DLG5: variants seen among roughly 807,000 people sequenced by gnomAD.
DLG5 encodes the protein disks large homolog 5.
DLG5 carries 48 observed loss-of-function variants against 189.8 expected under a neutral mutation model. That is an observed-to-expected ratio of 0.25 (90% confidence interval 0.20 to 0.32). The LOEUF (loss-of-function observed/expected upper bound fraction) is 0.32. DLG5 is among the 10% of genes least tolerant of loss of function. The pLI, the probability that DLG5 is intolerant of heterozygous loss-of-function variation, is 1.00. For synonymous variants in DLG5, 1,016 were observed against 1,054.1 expected (o/e 0.96, Z 0.70); for missense variants, 2,160 against 2,544.7 (o/e 0.85, Z 3.25).
chr10:77,830,130 C>T (rs1842829635), intron 11 of DLG5, 87 bp downstream of exon 11: 4 of 1,557,152 alleles, frequency 2.6e-6, no homozygotes, highest in East Asian at 2.2e-5. Flanking sequence ...GAAACGTTCA[C>T]CTAAGTGCTA....
At chr10:77,835,401 G>A (rs1394427635) in intron 8 of DLG5, among the ~76,000 whole-genome samples, 1 of 152,134 alleles carries the variant, frequency 6.6e-6, no homozygotes, top group African/African-American at 2.4e-5. Context: ...GGCGCCCGGT[G>A]AATACTGCTG....
chr10:77,800,968 T>C lies in DLG5; in HGVS notation c.5165-4374A>G, dbSNP rs1312106391. On this transcript the variant is annotated intron_variant, in intron 27 of 31. Transcript: ENST00000372391. Reference sequence around the variant, plus strand: ...CCCAGCCTGAGGTCAGCTGAGTCTGTGGCTGGATCAAAGTGATCTGCGAGC... The same window carrying C: ...CCCAGCCTGAGGTCAGCTGAGTCTGCGGCTGGATCAAAGTGATCTGCGAGC... Among the ~76,000 whole-genome samples, 5 of 152,174 alleles carry C rather than the reference T, an allele frequency of 3.3e-5. No homozygotes were observed. The East Asian group carries it at 9.6e-4, about 29-fold the overall frequency.
At chr10:77,919,538 GC>G (rs1443464166) in intron 1 of DLG5, among the ~76,000 whole-genome samples, 1 of 142,350 alleles carries the variant, frequency 7.0e-6, no homozygotes, top group African/African-American at 2.6e-5. Flanking sequence ...AAAAGGCTCT[GC>G]CAAGGTCAAG....
At position 77,835,785 on chromosome 10, in the gene DLG5, C is replaced by A; in HGVS notation, c.1575G>T (p.Trp525Cys). 1 of 1,613,864 alleles carries A rather than the reference C, an allele frequency of 6.2e-7. No individual in the cohort carries two copies. Among genetic ancestry groups the A allele is most frequent in the Non-Finnish European group, 8.5e-7 (1 of 1,179,976 alleles). Reference protein sequence around the residue: ...EADVAKCRRDWAFQERDKIVA... With the variant: ...EADVAKCRRDCAFQERDKIVA... ...CAATCTTGTCTCGCTCCTGGAAGGC[C>A]CAGTCCCGCCGGCACTTGGCCACAT... The change falls in exon 8 of 32, where the codon TGG (tryptophan) becomes TGT (cysteine). Residue 525 changes from tryptophan (W) to cysteine (C), a missense_variant. Transcript: ENST00000372391.
intron 1 of DLG5, among the ~76,000 whole-genome samples, chr10:77,891,416 TC>T (rs1391036288): frequency 6.6e-6 from 1 of 152,162 alleles, no homozygotes; most frequent in Admixed American, 6.5e-5. Flanking sequence ...TTGGTTTATC[TC>T]TGCATCTCAC....
At chr10:77,813,314 G>A (rs982185891) in intron 20 of DLG5, among the ~76,000 whole-genome samples, 5 of 152,188 alleles carry the variant, frequency 3.3e-5, no homozygotes, top group African/African-American at 2.4e-5. Context: ...AGATTCTAGC[G>A]GGGAGGCACC....
At chr10:77,921,225 AG>A (rs1387910675) in intron 1 of DLG5, among the ~76,000 whole-genome samples, 6 of 152,146 alleles carry the variant, frequency 3.9e-5, no homozygotes, top group African/African-American at 1.2e-4. Context: ...AAGAACCAAA[AG>A]AAAAACCACA....
At chr10:77,853,226 C>A in intron 5 of DLG5, 128 bp downstream of exon 5, 1 of 864,486 alleles carries the variant, frequency 1.2e-6, no homozygotes, top group South Asian at 4.9e-5. Flanking sequence ...CCTTGGTCTT[C>A]CAAAGCGCTG....
At chr10:77,803,575 G>A (rs1340663748) in intron 27 of DLG5, among the ~76,000 whole-genome samples, 1 of 152,166 alleles carries the variant, frequency 6.6e-6, no homozygotes, top group Non-Finnish European at 1.5e-5. Context: ...AAACATTCCT[G>A]GAGATCAAGA....
intron 5 of DLG5, among the ~76,000 whole-genome samples, chr10:77,847,892 G>A (rs1843772328): frequency 6.6e-6 from 1 of 152,068 alleles, no homozygotes. Flanking sequence ...TTTTTGTAGA[G>A]ATGGGGGTCT....
intron 8 of DLG5, 52 bp downstream of exon 8, chr10:77,835,686 C>T (rs1468424092): frequency 6.5e-7 from 1 of 1,545,478 alleles, no homozygotes; most frequent in Non-Finnish European, 8.7e-7. Context: ...CCTAGCAGGT[C>T]CCCTCATCCT....
At chr10:77,908,449 C>T (rs1195707572) in intron 1 of DLG5, among the ~76,000 whole-genome samples, 2 of 152,186 alleles carry the variant, frequency 1.3e-5, no homozygotes, top group Non-Finnish European at 2.9e-5. Flanking sequence ...CCCCAGCAGC[C>T]TCACAAGAGA....
chr10:77,878,298 T>G (rs896276687), intron 1 of DLG5, among the ~76,000 whole-genome samples: 3 of 152,204 alleles, frequency 2.0e-5, no homozygotes, highest in Admixed American at 2.0e-4. Flanking sequence ...TCTGTGCATT[T>G]CCTCATTTAT....
chr10:77,916,955 T>C (rs908557905), intron 1 of DLG5, among the ~76,000 whole-genome samples: 1 of 142,200 alleles, frequency 7.0e-6, no homozygotes, highest in Non-Finnish European at 1.5e-5. Flanking sequence ...AAAAGGAATT[T>C]TGACATATAC....
intron 1 of DLG5, among the ~76,000 whole-genome samples, chr10:77,919,396 C>A (rs576294773): frequency 1.3e-5 from 2 of 151,932 alleles, no homozygotes; most frequent in African/African-American, 2.4e-5. Flanking sequence ...ATCACCCAAC[C>A]TCCTTGGACC....
chr10:77,846,675 C>T (rs768508828), intron 5 of DLG5: 4 of 455,776 alleles, frequency 8.8e-6, no homozygotes, highest in Middle Eastern at 3.3e-4. Flanking sequence ...CCAGCCTTGG[C>T]GACAGAGAAA....
At chr10:77,881,997 A>G (rs1011455195) in intron 1 of DLG5, among the ~76,000 whole-genome samples, 1 of 151,890 alleles carries the variant, frequency 6.6e-6, no homozygotes, top group Non-Finnish European at 1.5e-5. Context: ...TCTTTCTTCA[A>G]TGTCATCTAC....
intron 2 of DLG5, among the ~76,000 whole-genome samples, chr10:77,857,232 A>T (rs1844279580): frequency 6.6e-6 from 1 of 152,140 alleles, no homozygotes; most frequent in Non-Finnish European, 1.5e-5. Context: ...CCTGGTTTGG[A>T]AATATCAGCT....
intron 1 of DLG5, among the ~76,000 whole-genome samples, chr10:77,925,840 G>T (rs897500384): frequency 5.3e-5 from 8 of 152,130 alleles, no homozygotes; most frequent in Non-Finnish European, 7.3e-5. Flanking sequence ...TCTTCTGGAC[G>T]GTACCCTTGG....
Sources: gnomAD v4.1 joint callset for allele counts (sites outside exome capture counted in the v4.1 genomes callset) on GRCh38, gnomAD v4.1.1 for gene constraint, MANE v1.5 for transcripts, NCBI Gene and HGNC (gene_info 2026-07-23, HGNC 2026-07-21) for gene names.